Variants in GOT2 observed in about 807,000 individuals in gnomAD.
The protein encoded by GOT2 is aspartate aminotransferase, mitochondrial.
Under a neutral mutation model 50.0 loss-of-function variants are expected in GOT2, and 17 were observed. The observed-to-expected ratio is 0.34, with a 90% CI of 0.23 to 0.51. GOT2 has a LOEUF of 0.51. GOT2 is among the 20% of genes least tolerant of loss of function. The pLI is 0.97. For missense variants in GOT2, 430 were observed against 559.6 expected (o/e 0.77, Z 2.34); for synonymous variants, 172 against 204.9 (o/e 0.84, Z 1.37).
chr16:58,710,678 G>A (rs977903589), intron 8 of GOT2, among the ~76,000 whole-genome samples: 3 of 150,834 alleles, frequency 2.0e-5, no homozygotes, highest in Non-Finnish European at 3.0e-5. Context: ...TCAGGAGATC[G>A]AGACCATCCT....
In GOT2 at chr16:58,715,995, G is replaced by A. The variant is rs1229742761; in HGVS notation, c.1019+19C>T. ...TGGTGGGAACAGGTAGGTGGCTGGG[G>A]AGTGGCATAAACCTTTACCATTGTT... is the stretch of plus-strand genomic sequence containing the variant. On this transcript the variant is annotated intron_variant, in intron 8 of 9. Coordinates refer to ENST00000245206, the MANE Select transcript of GOT2 (RefSeq NM_002080.4). 3.1e-6 allele frequency: 5 copies of A among 1,592,684 alleles called. No homozygotes were observed. The South Asian group carries it at 4.5e-5, about 14-fold the overall frequency.
At chr16:58,716,398 TCTTGGCTCA>T (rs2044693110) in intron 7 of GOT2, 1 of 602,196 alleles carries the variant, frequency 1.7e-6, no homozygotes, top group African/African-American at 1.9e-5. Context: ...GTATCTATCT[TCTTGGCTCA>T]CGGATTTGTT....
chr16:58,707,405 C>T lies in GOT2; in HGVS notation c.*766G>A, dbSNP rs935700701. On this transcript the variant is annotated 3_prime_UTR_variant, in exon 10 of 10. Coordinates refer to ENST00000245206, the MANE Select transcript of GOT2 (RefSeq NM_002080.4). ...CTTGCACTATCATTCAAGAGGATGCCGAGATAAAGTACAGTTTCCTACTCT... is the reference window on the plus strand; with the variant it reads ...CTTGCACTATCATTCAAGAGGATGCTGAGATAAAGTACAGTTTCCTACTCT... 3.3e-5 allele frequency: 5 copies of T among 152,182 alleles called. No homozygotes were observed. In the South Asian group the frequency reaches 8.3e-4, roughly 25 times the overall value. The allele number at this position is 152,182 out of a possible 1,614,324, so 9.4% of individuals were successfully genotyped here. A position where few individuals can be genotyped will look rare whatever the true frequency, so the allele number is the denominator to read the frequency against.
intron 7 of GOT2, 45 bp from the exon 8 acceptor site, chr16:58,716,224 T>A (rs1335410751): frequency 6.4e-7 from 1 of 1,565,048 alleles, no homozygotes. Flanking sequence ...TACTATCTAA[T>A]GTGCTAAAGC....
At chr16:58,716,582 AC>A in intron 7 of GOT2, 80 bp downstream of exon 7, 1 of 1,202,804 alleles carries the variant, frequency 8.3e-7, no homozygotes. Flanking sequence ...ACACACACAC[AC>A]ACACACCCAC....
intron 1 of GOT2, among the ~76,000 whole-genome samples, chr16:58,729,289 C>T (rs146511826): frequency 4.1e-4 from 61 of 148,414 alleles, no homozygotes; most frequent in Middle Eastern, 6.8e-3. Flanking sequence ...CATTAACTGC[C>T]GAGTGAAAGG....
chr16:58,725,234 C>T (rs2044774397), intron 1 of GOT2, among the ~76,000 whole-genome samples: 1 of 151,868 alleles, frequency 6.6e-6, no homozygotes, highest in Non-Finnish European at 1.5e-5. Flanking sequence ...CCTGCCTCAG[C>T]CTCCCAAGTA....
chr16:58,718,179 G>A lies in GOT2; in HGVS notation c.702+17C>T. 2 of 1,547,636 alleles carry A rather than the reference G, an allele frequency of 1.3e-6. No individual in the cohort carries two copies. Among genetic ancestry groups the A allele is most frequent in the East Asian group, 2.2e-5 (1 of 44,564 alleles). The stretch of plus-strand genomic sequence containing the variant: ...TACTAAACACAGAACTGTCGCCAGT[G>A]AGTTCATCGTCCTCACCTTCACCAC... On this transcript the variant is annotated intron_variant, in intron 6 of 9. Transcript: ENST00000245206.
At chr16:58,716,641 C>T in intron 7 of GOT2, 22 bp downstream of exon 7, 1 of 1,609,844 alleles carries the variant, frequency 6.2e-7, no homozygotes, top group Non-Finnish European at 8.5e-7. Flanking sequence ...GAGCATGTGT[C>T]ATGCTGGATG....
At chr16:58,725,863 T>TG (rs1310608268) in intron 1 of GOT2, among the ~76,000 whole-genome samples, 1 of 152,228 alleles carries the variant, frequency 6.6e-6, no homozygotes, top group Non-Finnish European at 1.5e-5. Context: ...CAACTGTGTG[T>TG]TTTTAAGGAA....
intron 8 of GOT2, among the ~76,000 whole-genome samples, chr16:58,710,189 C>A (rs937734861): frequency 6.6e-6 from 1 of 151,924 alleles, no homozygotes; most frequent in African/African-American, 2.4e-5. Flanking sequence ...TGAGCCACCA[C>A]GCCTGGCCCA....
At position 58,722,170 on chromosome 16, in the gene GOT2, C is replaced by T. The variant is rs756305221; in HGVS notation, c.355G>A (p.Glu119Lys). 2.4e-5 allele frequency: 38 copies of T among 1,612,166 alleles called. No homozygotes were observed. Among genetic ancestry groups the T allele is most frequent in the East Asian group, 4.5e-5 (2 of 44,866 alleles). The change falls in exon 3 of 10, where the codon GAA (glutamate) becomes AAA (lysine). Residue 119 changes from glutamate (E) to lysine (K), a missense_variant. By Grantham distance (56) the Glu-to-Lys change is moderately conservative. Transcript: ENST00000245206. ...SAELALGENS[E>K]VLKSGRFVTV... is the part of the protein sequence containing the mutation. ...CTTACCCGGCCACTCTTCAAGACTT[C>T]GCTGTTCTCACCCAGGGCTAGTTCT...
At chr16:58,730,095 G>A (rs1027243395) in intron 1 of GOT2, among the ~76,000 whole-genome samples, 8 of 152,056 alleles carry the variant, frequency 5.3e-5, no homozygotes, top group African/African-American at 1.9e-4. Context: ...AGAGAGGAAG[G>A]GGTTGCCTAG....
At chr16:58,718,430 A>G in intron 5 of GOT2, 97 bp downstream of exon 5, 1 of 1,367,728 alleles carries the variant, frequency 7.3e-7, no homozygotes, top group South Asian at 1.3e-5. Context: ...GCTCTTCCCC[A>G]GTATTTTAAC....
intron 8 of GOT2, among the ~76,000 whole-genome samples, chr16:58,710,602 C>A (rs187340591): frequency 2.0e-5 from 3 of 151,878 alleles, no homozygotes; most frequent in East Asian, 3.9e-4. Flanking sequence ...GAAAAGTGGG[C>A]GGGGCACGGT....
chr16:58,725,528 T>C (rs2044777020), intron 1 of GOT2, among the ~76,000 whole-genome samples: 5 of 152,238 alleles, frequency 3.3e-5, no homozygotes, highest in Admixed American at 3.3e-4. Flanking sequence ...TAAGATAGAC[T>C]ACAGACACAT....
chr16:58,718,459 T>TG, intron 5 of GOT2, 68 bp downstream of exon 5: 1 of 1,445,380 alleles, frequency 6.9e-7, no homozygotes, highest in Non-Finnish European at 9.5e-7. Flanking sequence ...TGGGACATGG[T>TG]GGGAGACATC....
chr16:58,707,966 A>G lies in GOT2; in HGVS notation c.*205T>C, dbSNP rs148412428. 138 of 401,348 alleles carry G rather than the reference A, an allele frequency of 3.4e-4. No homozygotes were observed. The highest frequency in any genetic ancestry group is 2.6e-3 in the African/African-American group (126 of 48,492). The allele number at this position is 401,348 out of a possible 1,614,324, so 24.9% of individuals were successfully genotyped here. A position where few individuals can be genotyped will look rare whatever the true frequency, so the allele number is the denominator to read the frequency against. On this transcript the variant is annotated 3_prime_UTR_variant, in exon 10 of 10. Transcript: ENST00000245206. ...AGGACCGGGGAGAGTTTGGTTTAAT[A>G]TTCCAGACGCCAGCCATGGATGCCT...
chr16:58,730,771 T>G (rs2044829314), intron 1 of GOT2, among the ~76,000 whole-genome samples: 1 of 152,152 alleles, frequency 6.6e-6, no homozygotes. Flanking sequence ...ACACACATAT[T>G]GTAAGAACTC....
Sources: gnomAD v4.1 joint callset for allele counts (sites outside exome capture counted in the v4.1 genomes callset) on GRCh38, gnomAD v4.1.1 for gene constraint, MANE v1.5 for transcripts, NCBI Gene and HGNC (gene_info 2026-07-23, HGNC 2026-07-21) for gene names.